SEMA5A: variants seen among roughly 807,000 people sequenced by gnomAD.
The protein encoded by SEMA5A is semaphorin 5A.
SEMA5A carries 55 observed loss-of-function variants against 135.5 expected under a neutral mutation model. The observed-to-expected ratio is 0.41, with a 90% CI of 0.33 to 0.51. The LOEUF is 0.51. Among genes scored for constraint, SEMA5A ranks in the 20% least tolerant of loss-of-function variants. SEMA5A has a pLI of 0.37. For missense variants in SEMA5A, 1,290 were observed against 1,419.9 expected, an observed-to-expected ratio of 0.91 and a Z score of 1.47; for synonymous variants, 580 against 546.5, an observed-to-expected ratio of 1.06 and a Z score of -0.85.
At chr5:9,460,998 T>C (rs1457219039) in intron 1 of SEMA5A, among the ~76,000 whole-genome samples, 1 of 152,242 alleles carries the variant, frequency 6.6e-6, no homozygotes, top group East Asian at 1.9e-4. Flanking sequence ...GCTTAGCAAG[T>C]ACTCTATCAC....
chr5:9,270,642 C>T (rs2150537889), intron 5 of SEMA5A, among the ~76,000 whole-genome samples: 1 of 152,068 alleles, frequency 6.6e-6, no homozygotes, highest in Admixed American at 6.5e-5. Context: ...ACTAGAGATG[C>T]TTCCAATATA....
chr5:9,075,873 G>T (rs958260849), intron 16 of SEMA5A, among the ~76,000 whole-genome samples: 3 of 152,088 alleles, frequency 2.0e-5, no homozygotes, highest in Admixed American at 6.6e-5. Flanking sequence ...AGAAAAACAA[G>T]CCTCTTTCTA....
chr5:9,098,842 T>C (rs182754006), intron 16 of SEMA5A, among the ~76,000 whole-genome samples: 2 of 152,336 alleles, frequency 1.3e-5, no homozygotes, highest in Non-Finnish European at 1.5e-5. Context: ...ATGGAATTTA[T>C]TGGAAAGTTA....
chr5:9,060,311 A>G (rs1737115713), intron 18 of SEMA5A, among the ~76,000 whole-genome samples: 1 of 152,228 alleles, frequency 6.6e-6, no homozygotes, highest in Non-Finnish European at 1.5e-5. Flanking sequence ...GATCATGTTA[A>G]TAGAGTGTCT....
intron 6 of SEMA5A, among the ~76,000 whole-genome samples, chr5:9,235,198 C>T (rs1189352320): frequency 6.6e-6 from 1 of 152,070 alleles, no homozygotes; most frequent in African/African-American, 2.4e-5. Context: ...GACTGAAGCT[C>T]ATAAAGGGGA....
At chr5:9,455,262 T>TTA (rs1758790097) in intron 1 of SEMA5A, among the ~76,000 whole-genome samples, 3 of 149,334 alleles carry the variant, frequency 2.0e-5, no homozygotes, top group Non-Finnish European at 3.0e-5. Flanking sequence ...TATTTATTTT[T>TTA]TTTTTTTTTT....
intron 11 of SEMA5A, among the ~76,000 whole-genome samples, chr5:9,182,880 T>C (rs934530295): frequency 6.6e-6 from 1 of 152,158 alleles, no homozygotes; most frequent in African/African-American, 2.4e-5. Context: ...ATGCATCATA[T>C]CATGTAACTT....
At position 9,188,480 on chromosome 5, in the gene SEMA5A, A is replaced by C. The variant is rs1326381971; in HGVS notation, c.1273+1787T>G. 2.6e-5 allele frequency among the ~76,000 whole-genome samples: 4 copies of C among 152,138 alleles called. No homozygotes were observed. The East Asian group carries it at 7.7e-4, about 29-fold the overall frequency. On this transcript the variant is annotated intron_variant, in intron 11 of 22. Coordinates refer to ENST00000382496, the MANE Select transcript of SEMA5A (RefSeq NM_003966.3). ...GGACTTACGTGGGGAGTACGTCCAAAGGCTCAGGTTGAGACCTCAGGCTGC... is the reference window on the plus strand; with the variant it reads ...GGACTTACGTGGGGAGTACGTCCAACGGCTCAGGTTGAGACCTCAGGCTGC...
At position 9,050,390 on chromosome 5, in the gene SEMA5A, A is replaced by T. The variant is rs1309501815; in HGVS notation, c.2893+20T>A. On this transcript the variant is annotated intron_variant, in intron 21 of 22. Transcript: ENST00000382496. ...ATATATCAGTACATCCATTACAACT[A>T]CTTAAAAGGAATAACGTACCTCCAC... 6.2e-7 allele frequency: 1 copy of T among 1,600,192 alleles called. No homozygotes were observed. Among genetic ancestry groups the T allele is most frequent in the East Asian group, 2.2e-5 (1 of 44,774 alleles).
rs1735643315 is a variant in SEMA5A, at chr5:9,036,139, T to C, written c.*6758A>G. 1 of 152,188 alleles carries C rather than the reference T, an allele frequency of 6.6e-6. No individual in the cohort carries two copies. Among genetic ancestry groups the C allele is most frequent in the Non-Finnish European group, 1.5e-5 (1 of 68,028 alleles). 9.4% of individuals were successfully genotyped at this position (152,188 alleles called of 1,614,324 possible). A position where few individuals can be genotyped will look rare whatever the true frequency, so the allele number is the denominator to read the frequency against. On this transcript the variant is annotated 3_prime_UTR_variant, in exon 23 of 23. Transcript: ENST00000382496. ...AATCCAACATTGGACCAAAAGTTTG[T>C]GCATTTTCTTGCAGATGATGTAGAA...
At chr5:9,365,543 G>C (rs1455128580) in intron 3 of SEMA5A, among the ~76,000 whole-genome samples, 1 of 152,022 alleles carries the variant, frequency 6.6e-6, no homozygotes, top group Non-Finnish European at 1.5e-5. Flanking sequence ...TGATTACTGA[G>C]TGTTTCAGCA....
chr5:9,323,924 C>G (rs573192362), intron 4 of SEMA5A, among the ~76,000 whole-genome samples: 31 of 152,144 alleles, frequency 2.0e-4, no homozygotes, highest in African/African-American at 7.2e-4. Context: ...GCTGGGATTA[C>G]AGGTGTGAGC....
Position 9,377,573 on chromosome 5 carries a change from A to G in SEMA5A, c.124+2250T>C, listed in dbSNP as rs145382653. On this transcript the variant is annotated intron_variant, in intron 3 of 22. Coordinates refer to ENST00000382496, the MANE Select transcript of SEMA5A (RefSeq NM_003966.3). ...AAGAGAGAGAAAAAAGTCATTTTAA[A>G]GATTTTTCAATAATCCAAAACAACT... 9.3e-3 allele frequency among the ~76,000 whole-genome samples: 1,420 copies of G among 152,316 alleles called. 12 individuals carry two copies. The highest frequency in any genetic ancestry group is 0.032 in the African/African-American group (1,334 of 41,574).
chr5:9,190,642 T>A (rs1420422035), intron 10 of SEMA5A, among the ~76,000 whole-genome samples, 171 bp from the exon 11 acceptor site: 2 of 152,156 alleles, frequency 1.3e-5, no homozygotes, highest in Non-Finnish European at 2.9e-5. Context: ...ATCCTTAGCA[T>A]CCTTTTCATG....
chr5:9,219,170 C>T (rs545388935), intron 8 of SEMA5A, among the ~76,000 whole-genome samples: 59 of 152,338 alleles, frequency 3.9e-4, no homozygotes, highest in African/African-American at 1.4e-3. Flanking sequence ...CCACATATTA[C>T]TGGCTATTCT....
chr5:9,448,842 A>G (rs1219897881), intron 1 of SEMA5A, among the ~76,000 whole-genome samples: 4 of 152,002 alleles, frequency 2.6e-5, no homozygotes, highest in Non-Finnish European at 4.4e-5. Flanking sequence ...TGTTTCTCCC[A>G]TCACCCTCCA....
At chr5:9,323,428 T>TA (rs1286794984) in intron 4 of SEMA5A, among the ~76,000 whole-genome samples, 5 of 152,082 alleles carry the variant, frequency 3.3e-5, no homozygotes, top group African/African-American at 1.2e-4. Flanking sequence ...TTTAATAGTA[T>TA]AAATTGATGT....
intron 1 of SEMA5A, among the ~76,000 whole-genome samples, chr5:9,505,470 G>C (rs989243427): frequency 2.0e-5 from 3 of 152,190 alleles, no homozygotes; most frequent in Non-Finnish European, 2.9e-5. Context: ...TTGGAAAACA[G>C]GAAATAGTCT....
intron 16 of SEMA5A, among the ~76,000 whole-genome samples, chr5:9,069,136 G>A (rs1373614817): frequency 6.6e-6 from 1 of 152,168 alleles, no homozygotes; most frequent in Non-Finnish European, 1.5e-5. Flanking sequence ...TTCCCCCAAG[G>A]AAGCTTTCAG....
Sources: gnomAD v4.1 joint callset for allele counts (sites outside exome capture counted in the v4.1 genomes callset) on GRCh38, gnomAD v4.1.1 for gene constraint, MANE v1.5 for transcripts, NCBI Gene and HGNC (gene_info 2026-07-23, HGNC 2026-07-21) for gene names.